AMPH: variants seen among roughly 807,000 people sequenced by gnomAD.
AMPH encodes amphiphysin.
Under a neutral mutation model 99.1 loss-of-function variants are expected in AMPH, and 49 were observed. The observed-to-expected ratio is 0.49, with a 90% CI of 0.39 to 0.63. The LOEUF is 0.63. AMPH is among the 20% of genes least tolerant of loss of function. The probability of loss-of-function intolerance (pLI) is 0.00; values close to 1 mark genes in which losing one functional copy is unlikely to be tolerated. For synonymous variants in AMPH, 314 were observed against 317.3 expected (o/e 0.99, Z 0.11); for missense variants, 759 against 863.4 (o/e 0.88, Z 1.52).
At chr7:38,428,522 CT>C (rs1049106957) in intron 14 of AMPH, 12 of 456,614 alleles carry the variant, frequency 2.6e-5, no homozygotes, top group African/African-American at 2.2e-4. Flanking sequence ...CAGTCTCACA[CT>C]GAATTTCTTC....
intron 20 of AMPH, among the ~76,000 whole-genome samples, chr7:38,385,735 A>G (rs971128580): frequency 3.9e-5 from 6 of 152,232 alleles, no homozygotes; most frequent in African/African-American, 1.4e-4. Context: ...CCATCCATAT[A>G]TGGTCATGCA....
At chr7:38,450,216 A>T (rs1184819240) in intron 11 of AMPH, among the ~76,000 whole-genome samples, 1 of 152,218 alleles carries the variant, frequency 6.6e-6, no homozygotes, top group Non-Finnish European at 1.5e-5. Context: ...GTAAAGGGGA[A>T]ATCTTTGATC....
intron 1 of AMPH, among the ~76,000 whole-genome samples, chr7:38,621,773 A>G (rs1226766945): frequency 6.6e-6 from 1 of 152,192 alleles, no homozygotes; most frequent in Non-Finnish European, 1.5e-5. Context: ...GTTCAGGGTG[A>G]TCAAAATTGA....
intron 11 of AMPH, among the ~76,000 whole-genome samples, chr7:38,446,131 C>T (rs1786767891): frequency 6.6e-6 from 1 of 152,124 alleles, no homozygotes; most frequent in South Asian, 2.1e-4. Flanking sequence ...TTCTTTATAG[C>T]CATGTGAGAA....
At chr7:38,479,152 A>C (rs955754100) in intron 5 of AMPH, among the ~76,000 whole-genome samples, 1 of 152,116 alleles carries the variant, frequency 6.6e-6, no homozygotes, top group Admixed American at 6.5e-5. Flanking sequence ...CAAACAATAC[A>C]CATCTAAATA....
chr7:38,631,005 C>T (rs113532790), intron 1 of AMPH, among the ~76,000 whole-genome samples: 1 of 152,186 alleles, frequency 6.6e-6, no homozygotes, highest in African/African-American at 2.4e-5. Context: ...AGCGGCAACC[C>T]GGGGCCGGCT....
chr7:38,629,414 G>T (rs755033848), intron 1 of AMPH, among the ~76,000 whole-genome samples: 1 of 152,090 alleles, frequency 6.6e-6, no homozygotes, highest in African/African-American at 2.4e-5. Context: ...CCCCAAGAGG[G>T]TCTCTCACCC....
chr7:38,462,929 A>G, intron 10 of AMPH, 46 bp downstream of exon 10: 1 of 1,505,448 alleles, frequency 6.6e-7, no homozygotes, highest in Non-Finnish European at 8.9e-7. Flanking sequence ...GGCCACCTTC[A>G]TCTCATCATG....
chr7:38,619,608 G>A (rs898604352), intron 1 of AMPH, among the ~76,000 whole-genome samples: 1 of 152,164 alleles, frequency 6.6e-6, no homozygotes, highest in African/African-American at 2.4e-5. Context: ...AGATTCTCCA[G>A]GATAGGCCAT....
At chr7:38,421,348 T>A (rs1785576913) in intron 16 of AMPH, among the ~76,000 whole-genome samples, 2 of 152,242 alleles carry the variant, frequency 1.3e-5, no homozygotes, top group African/African-American at 2.4e-5. Context: ...CCGTTCTCCA[T>A]CTTCATCACT....
At chr7:38,449,245 TTTGTTCA>T (rs921749049) in intron 11 of AMPH, among the ~76,000 whole-genome samples, 1 of 152,188 alleles carries the variant, frequency 6.6e-6, no homozygotes, top group Non-Finnish European at 1.5e-5. Context: ...GTGATATCGA[TTTGTTCA>T]TTTACTGAAT....
chr7:38,612,087 C>CT lies in AMPH; in HGVS notation c.69+19195dup, dbSNP rs56111676. Among the ~76,000 whole-genome samples the CT allele has an allele frequency of 1.1e-3, 104 of 97,384 alleles. 2 individuals are homozygous for CT. The highest frequency in any genetic ancestry group is 7.5e-3 in the East Asian group (27 of 3,612). The allele number at this position is 97,384 out of a possible 152,430, so 63.9% of individuals were successfully genotyped here. A position where few individuals can be genotyped will look rare whatever the true frequency, so the allele number is the denominator to read the frequency against. ...GCTAAGACTGATTTTTTGTCTTCTTCTTTTTTTTTTTTTTTTTTTTTGAGA... is the reference window on the plus strand; with the variant it reads ...GCTAAGACTGATTTTTTGTCTTCTTCTTTTTTTTTTTTTTTTTTTTTTGAGA... On this transcript the variant is annotated intron_variant, in intron 1 of 20. Coordinates refer to ENST00000356264, the MANE Select transcript of AMPH (RefSeq NM_001635.4).
chr7:38,536,202 A>G (rs1180405188), intron 1 of AMPH, among the ~76,000 whole-genome samples: 1 of 152,218 alleles, frequency 6.6e-6, no homozygotes, highest in Non-Finnish European at 1.5e-5. Flanking sequence ...TCTTTGGGAC[A>G]CAGGACATAA....
intron 17 of AMPH, among the ~76,000 whole-genome samples, chr7:38,398,724 C>T (rs960013746): frequency 6.6e-6 from 1 of 152,022 alleles, no homozygotes; most frequent in Non-Finnish European, 1.5e-5. Context: ...AGGATAAATG[C>T]TTAAGGAGGT....
chr7:38,558,909 A>T (rs554819305), intron 1 of AMPH, among the ~76,000 whole-genome samples: 1 of 152,298 alleles, frequency 6.6e-6, no homozygotes, highest in East Asian at 1.9e-4. Flanking sequence ...AAAGAAGCTT[A>T]TTTTGCATTC....
intron 1 of AMPH, among the ~76,000 whole-genome samples, chr7:38,593,334 T>C (rs556800476): frequency 6.6e-6 from 1 of 152,060 alleles, no homozygotes; most frequent in South Asian, 2.1e-4. Context: ...AACAATAAGA[T>C]AAAGAAAAAG....
At position 38,631,265 on chromosome 7, in the gene AMPH, C is replaced by T; in HGVS notation, c.69+18G>A. On this transcript the variant is annotated intron_variant, in intron 1 of 20. Transcript: ENST00000356264. ...CGCCTGGCGTCCCCGGCCCCAGCCC[C>T]GGCCGCCCGCCGCTGACCTTTTCCT... 1.3e-6 allele frequency: 2 copies of T among 1,514,090 alleles called. No homozygotes were observed. The highest frequency in any genetic ancestry group is 1.4e-5 in the African/African-American group (1 of 69,012). 93.8% of individuals were successfully genotyped at this position (1,514,090 alleles called of 1,614,324 possible).
At chr7:38,472,589 A>G (rs535680950) in intron 7 of AMPH, among the ~76,000 whole-genome samples, 1 of 152,326 alleles carries the variant, frequency 6.6e-6, no homozygotes, top group African/African-American at 2.4e-5. Context: ...TATTCCAAAA[A>G]ATGATCTTTG....
chr7:38,524,747 AAT>A (rs1182236953), intron 2 of AMPH, among the ~76,000 whole-genome samples: 1 of 152,216 alleles, frequency 6.6e-6, no homozygotes, highest in African/African-American at 2.4e-5. Flanking sequence ...CTAAATTTAA[AAT>A]ATACAAAATA....
Sources: gnomAD v4.1 joint callset for allele counts (sites outside exome capture counted in the v4.1 genomes callset) on GRCh38, gnomAD v4.1.1 for gene constraint, MANE v1.5 for transcripts, NCBI Gene and HGNC (gene_info 2026-07-23, HGNC 2026-07-21) for gene names.